Variants in PDE2A observed in about 807,000 individuals in gnomAD.
PDE2A encodes the protein cGMP-dependent 3',5'-cyclic phosphodiesterase.
In PDE2A, 53 loss-of-function variants were observed where a neutral mutation model predicts 133.6. The ratio of observed to expected loss-of-function variants is 0.40; its 90% CI spans 0.32 to 0.50. PDE2A has a LOEUF of 0.50. Ranked by LOEUF, PDE2A falls within the 20% of genes least tolerant of loss-of-function variation. PDE2A has a pLI of 0.73. For missense variants in PDE2A, 796 were observed against 1,232.4 expected (o/e 0.65, Z 5.30); for synonymous variants, 491 against 490.2 (o/e 1.00, Z -0.02).
At chr11:72,607,613 T>C (rs1857029939) in intron 3 of PDE2A, among the ~76,000 whole-genome samples, 1 of 152,152 alleles carries the variant, frequency 6.6e-6, no homozygotes, top group Admixed American at 6.5e-5. Flanking sequence ...GCTGCTTAGA[T>C]ACCAAGTCCC....
Position 72,639,557 on chromosome 11 carries a change from C to T in PDE2A, c.144+2697G>A, listed in dbSNP as rs544568699. On this transcript the variant is annotated intron_variant, in intron 2 of 30. Coordinates refer to ENST00000334456, the MANE Select transcript of PDE2A (RefSeq NM_002599.5). ...CCTCACTGCCTGCGCCGTATGCCTC[C>T]CCTCTGCGGAGCACGAAGTGGTGTA... Among the ~76,000 whole-genome samples, 9 of 152,252 alleles carry T rather than the reference C, an allele frequency of 5.9e-5. No individual in the cohort carries two copies. The South Asian group carries it at 1.2e-3, about 21-fold the overall frequency.
intron 1 of PDE2A, among the ~76,000 whole-genome samples, chr11:72,647,564 C>T (rs559131105): frequency 3.4e-4 from 52 of 152,372 alleles, no homozygotes; most frequent in African/African-American, 1.2e-3. Flanking sequence ...GTGACTTGCT[C>T]TCTCTGTGAC....
rs370551262 is a variant in PDE2A, at chr11:72,581,950, G to A, written c.1852-3C>T. 3.1e-6 allele frequency: 5 copies of A among 1,613,514 alleles called. No homozygotes were observed. Among genetic ancestry groups the A allele is most frequent in the African/African-American group, 1.3e-5 (1 of 74,898 alleles). On this transcript the variant is annotated splice_polypyrimidine_tract_variant and splice_region_variant and intron_variant, in intron 21 of 30. Transcript: ENST00000334456. ...TCCTGCAGCATGCTCAGGATGGCCT[G>A]GAGAGGGCAGAGGGAGGTATCAGAG...
At chr11:72,638,606 C>A (rs1220323004) in intron 2 of PDE2A, among the ~76,000 whole-genome samples, 5 of 152,344 alleles carry the variant, frequency 3.3e-5, no homozygotes, top group Non-Finnish European at 4.4e-5. Flanking sequence ...TGGCCACCAC[C>A]ATGACCCCGG....
chr11:72,590,502 G>C lies in PDE2A; in HGVS notation c.628C>G (p.Pro210Ala). The C allele has an allele frequency of 6.6e-7, 1 of 1,510,826 alleles. No homozygotes were observed. The highest frequency in any genetic ancestry group is 1.3e-5 in the South Asian group (1 of 76,888). The allele number at this position is 1,510,826 out of a possible 1,614,324, so 93.6% of individuals were successfully genotyped here. Reference protein sequence around the residue: ...REAPRAVQNPPEGTAEDQKGG... With the variant: ...REAPRAVQNPAEGTAEDQKGG... ...TTCTGGTCTTCCGCCGTCCCCTCCG[G>C]GGGGTTCTGGACGGCTCGGGGAGCC... Residue 210 changes from proline (P) to alanine (A), a missense_variant, in exon 8 of 31, where the codon CCG (proline) becomes GCG (alanine). Around this residue, in one of 7 missense-constraint regions of PDE2A, gnomAD observed 417 missense variants for 475.3 expected, o/e 0.88. Transcript: ENST00000334456. The surrounding 1 kb of genome is among the most constrained non-coding windows in gnomAD (Gnocchi z 4.8).
At chr11:72,637,285 G>A (rs987454688) in intron 2 of PDE2A, among the ~76,000 whole-genome samples, 8 of 152,038 alleles carry the variant, frequency 5.3e-5, no homozygotes, top group African/African-American at 1.4e-4. Flanking sequence ...CTGTTTCTCC[G>A]CCTCCCCTCC....
chr11:72,578,213 G>A lies in PDE2A; in HGVS notation c.2615+20C>T. 6.9e-7 allele frequency: 1 copy of A among 1,457,610 alleles called. No individual in the cohort carries two copies. The highest frequency in any genetic ancestry group is 9.6e-7 in the Non-Finnish European group (1 of 1,036,560). 90.3% of individuals were successfully genotyped at this position (1,457,610 alleles called of 1,614,324 possible). On this transcript the variant is annotated intron_variant, in intron 30 of 30. Transcript: ENST00000334456. This position sits in a 1 kb window ranked among gnomAD's most constrained non-coding sequence, Gnocchi z 4.2. ...ACCCTCTCTGTGCAGGGTGCAGCTT[G>A]TCCCCATGAGCTCACTCACTTGTAG... is the stretch of plus-strand genomic sequence containing the variant.
At chr11:72,623,950 A>G (rs455611) in intron 2 of PDE2A, among the ~76,000 whole-genome samples, 77,928 of 149,996 alleles carry the variant, frequency 0.52, 20,782 homozygotes, top group African/African-American at 0.64. Context: ...GCCACGCACC[A>G]TGCACACTCG....
intron 2 of PDE2A, chr11:72,631,029 C>T (rs574080943): frequency 1.8e-5 from 25 of 1,400,484 alleles, no homozygotes; most frequent in Middle Eastern, 3.5e-4. Context: ...CTTCAGTCTG[C>T]GCCCCACCCC....
intron 2 of PDE2A, 100 bp downstream of exon 2, chr11:72,642,154 A>T (rs1391313895): frequency 1.5e-6 from 2 of 1,330,066 alleles, no homozygotes; most frequent in Non-Finnish European, 1.9e-6. Context: ...GAACTAGAGG[A>T]GGGGTCTCCT....
chr11:72,590,965 T>C lies in PDE2A; in HGVS notation c.549+332A>G, dbSNP rs1591032829. On this transcript the variant is annotated intron_variant, in intron 7 of 30. Transcript: ENST00000334456. The surrounding 1 kb of genome is among the most constrained non-coding windows in gnomAD (Gnocchi z 4.8). ...CATTATGTGGAGGGTTCTTTCTAAG[T>C]ACAGATGCTCCTGGACTTAGGATAG... The C allele has an allele frequency of 2.8e-6, 1 of 358,360 alleles. No homozygotes were observed. The highest frequency in any genetic ancestry group is 2.1e-5 in the African/African-American group (1 of 47,706). 22.2% of individuals were successfully genotyped at this position (358,360 alleles called of 1,614,324 possible). A position where few individuals can be genotyped will look rare whatever the true frequency, so the allele number is the denominator to read the frequency against.
At position 72,589,197 on chromosome 11, in the gene PDE2A, A is replaced by G. The variant is rs1272910369; in HGVS notation, c.917T>C (p.Ile306Thr). ...TACGGAGGTGAGGTCCTTCAGCTGGATGGACTTCTTGTCTTCCACCACCTG... is the reference window on the plus strand; with the variant it reads ...TACGGAGGTGAGGTCCTTCAGCTGGGTGGACTTCTTGTCTTCCACCACCTG... ...LGQVVEDKKS[I>T]QLKDLTSEDV... Residue 306 changes from isoleucine to threonine, a missense_variant, in exon 12 of 31, where the codon ATC (isoleucine) becomes ACC (threonine). Around this residue, in one of 7 missense-constraint regions of PDE2A, gnomAD observed 417 missense variants for 475.3 expected, o/e 0.88. Transcript: ENST00000334456. 1.9e-6 allele frequency: 3 copies of G among 1,613,840 alleles called. No homozygotes were observed. The highest frequency in any genetic ancestry group is 2.5e-6 in the Non-Finnish European group (3 of 1,179,872).
intron 4 of PDE2A, among the ~76,000 whole-genome samples, chr11:72,602,881 G>A (rs1449169853): frequency 6.6e-6 from 1 of 152,182 alleles, no homozygotes; most frequent in African/African-American, 2.4e-5. Flanking sequence ...CATCCTGCTG[G>A]GAGCTCCTGA....
At position 72,583,418 on chromosome 11, in the gene PDE2A, G is replaced by C. The variant is rs760543690; in HGVS notation, c.1728+20C>G. 1.5e-5 allele frequency: 23 copies of C among 1,560,872 alleles called. No individual in the cohort carries two copies. Among genetic ancestry groups the C allele is most frequent in the Non-Finnish European group, 2.0e-5 (23 of 1,131,822 alleles). On this transcript the variant is annotated intron_variant, in intron 20 of 30. Coordinates refer to ENST00000334456, the MANE Select transcript of PDE2A (RefSeq NM_002599.5). ...CCCGGGGAATCTGGGAGGAGGACCA[G>C]AGGTCTCTGCAAGCCTCACCTTCAT... is the stretch of plus-strand genomic sequence containing the variant.
chr11:72,658,261 T>G, intron 1 of PDE2A: 1 of 382,660 alleles, frequency 2.6e-6, no homozygotes, highest in South Asian at 1.9e-5. Context: ...GAGCTCCTCC[T>G]CCTCCCACCC....
In PDE2A at chr11:72,578,132, C is replaced by T. The variant is rs379276; in HGVS notation, c.2615+101G>A. The T allele has an allele frequency of 1.3e-6, 1 of 781,850 alleles. No homozygotes were observed. The highest frequency in any genetic ancestry group is 2.3e-6 in the Non-Finnish European group (1 of 443,964). The allele number at this position is 781,850 out of a possible 1,614,324, so 48.4% of individuals were successfully genotyped here. A position where few individuals can be genotyped will look rare whatever the true frequency, so the allele number is the denominator to read the frequency against. ...GAGGCAAGGGGATGAATCAGTTGGA[C>T]CTGGGCCAGGCCAATCTCAGCACCT... On this transcript the variant is annotated intron_variant, in intron 30 of 30. Transcript: ENST00000334456. This position sits in a 1 kb window ranked among gnomAD's most constrained non-coding sequence, Gnocchi z 4.2.
rs374195521 is a variant in PDE2A, at chr11:72,608,749, G to C, written c.147C>G (p.Asp49Glu). Reference sequence around the variant, plus strand: ...TGACAGAGCCCAGACTCAGCAAGGCGTCCTGGAAGAGAGGAGAGGGCAGTG... The same window carrying C: ...TGACAGAGCCCAGACTCAGCAAGGCCTCCTGGAAGAGAGGAGAGGGCAGTG... Reference protein sequence around the residue: ...PPQPCADSLQDALLSLGSVID... With the variant: ...PPQPCADSLQEALLSLGSVID... Residue 49 changes from aspartate to glutamate, a missense_variant and splice_region_variant, in exon 3 of 31, where the codon GAC becomes GAG. Around this residue, in one of 7 missense-constraint regions of PDE2A, gnomAD observed 417 missense variants for 475.3 expected, o/e 0.88. Coordinates refer to ENST00000334456, the MANE Select transcript of PDE2A (RefSeq NM_002599.5). 1 of 1,544,882 alleles carries C rather than the reference G, an allele frequency of 6.5e-7. No individual in the cohort carries two copies.
In PDE2A at chr11:72,656,012, G is replaced by A. The variant is rs573904259; in HGVS notation, c.72-13686C>T. ...TGTGTGGGGAGATGGATGGCTTGGCGGCCACCAGGCAGGACTGGTGATTAG... is the reference window on the plus strand; with the variant it reads ...TGTGTGGGGAGATGGATGGCTTGGCAGCCACCAGGCAGGACTGGTGATTAG... On this transcript the variant is annotated intron_variant, in intron 1 of 30. Coordinates refer to ENST00000334456, the MANE Select transcript of PDE2A (RefSeq NM_002599.5). Among the ~76,000 whole-genome samples the A allele has an allele frequency of 3.4e-3, 512 of 152,316 alleles. 3 individuals carry two copies. Among genetic ancestry groups the A allele is most frequent in the Non-Finnish European group, 5.9e-3 (403 of 68,024 alleles).
intron 1 of PDE2A, among the ~76,000 whole-genome samples, chr11:72,653,657 A>G (rs951564250): frequency 3.3e-5 from 5 of 152,198 alleles, no homozygotes; most frequent in Non-Finnish European, 5.9e-5. Flanking sequence ...GCGGAGACAG[A>G]CAGCAGTGGG....
Sources: allele counts gnomAD v4.1 joint callset (sites outside exome capture counted in the v4.1 genomes callset), GRCh38; gene constraint gnomAD v4.1.1; regional missense constraint gnomAD v4.1.1; non-coding constraint Gnocchi (gnomAD v3.1); transcripts MANE v1.5; gene names NCBI Gene and HGNC (gene_info 2026-07-23, HGNC 2026-07-21).